The following SEMA6D variants were observed in gnomAD, a reference collection of about 807,000 sequenced individuals.
The protein encoded by SEMA6D is semaphorin-6D.
In SEMA6D, 35 loss-of-function variants were observed where a neutral mutation model predicts 106.6. That is an observed-to-expected ratio of 0.33 (90% CI 0.25 to 0.44). SEMA6D has a LOEUF of 0.44. Among genes scored for constraint, SEMA6D ranks in the 20% least tolerant of loss-of-function variants. The pLI, the probability that SEMA6D is intolerant of heterozygous loss-of-function variation, is 1.00. For missense variants in SEMA6D, 1,185 were observed against 1,345.9 expected (o/e 0.88, Z 1.87); for synonymous variants, 499 against 487.7 (o/e 1.02, Z -0.31).
At chr15:47,624,409 G>C (rs942069213) in intron 4 of SEMA6D, among the ~76,000 whole-genome samples, 2 of 152,274 alleles carry the variant, frequency 1.3e-5, no homozygotes, top group Admixed American at 1.3e-4. Context: ...ACACTTTCTG[G>C]TAGGACTGTG....
intron 1 of SEMA6D, among the ~76,000 whole-genome samples, chr15:47,725,584 A>G (rs1468515492): frequency 6.6e-6 from 1 of 150,864 alleles, no homozygotes; most frequent in Non-Finnish European, 1.5e-5. Context: ...GCCATACTCA[A>G]CCCCCTCACC....
At chr15:47,665,323 C>T (rs922787211) in intron 4 of SEMA6D, among the ~76,000 whole-genome samples, 1 of 152,116 alleles carries the variant, frequency 6.6e-6, no homozygotes, top group African/African-American at 2.4e-5. Context: ...CCTTTTCATT[C>T]TTCTTGCCTT....
At chr15:47,598,797 A>G (rs866367280) in intron 3 of SEMA6D, among the ~76,000 whole-genome samples, 6 of 152,146 alleles carry the variant, frequency 3.9e-5, no homozygotes, top group African/African-American at 1.4e-4. Flanking sequence ...GGCAGATCAG[A>G]TATCTGTGTG....
Position 47,316,349 on chromosome 15 carries a change from C to T in SEMA6D, c.-238-96044C>T, listed in dbSNP as rs185849226. Among the ~76,000 whole-genome samples the T allele has an allele frequency of 9.9e-5, 15 of 152,032 alleles. No homozygotes were observed. In the East Asian group the frequency reaches 2.9e-3, roughly 30 times the overall value. On this transcript the variant is annotated intron_variant, in intron 1 of 19. Coordinates refer to the SEMA6D transcript ENST00000558014. ...TCAGGTGATCCACCTGCCTCGGCCT[C>T]CCAAAGTGCTGGGATTACATGCTTG...
chr15:47,545,775 G>A (rs2045501101), intron 3 of SEMA6D, among the ~76,000 whole-genome samples: 4 of 152,084 alleles, frequency 2.6e-5, no homozygotes, highest in Admixed American at 2.0e-4. Flanking sequence ...AAGAAGCCCT[G>A]GAATGAACAT....
chr15:47,719,236 G>A (rs2079279109), intron 1 of SEMA6D, among the ~76,000 whole-genome samples: 1 of 152,088 alleles, frequency 6.6e-6, no homozygotes. Context: ...CCTGTTCTGG[G>A]GTGACCATTC....
At chr15:47,287,392 T>C (rs1566974508) in intron 1 of SEMA6D, among the ~76,000 whole-genome samples, 1 of 152,184 alleles carries the variant, frequency 6.6e-6, no homozygotes, top group Non-Finnish European at 1.5e-5. Flanking sequence ...AAAAAGCATT[T>C]ATAAAACCAA....
chr15:47,706,725 C>T (rs375918453), intron 4 of SEMA6D, among the ~76,000 whole-genome samples: 8 of 151,396 alleles, frequency 5.3e-5, no homozygotes, highest in Non-Finnish European at 8.8e-5. Context: ...CTCTATTTTT[C>T]TCTCTCTCTC....
At chr15:47,766,994 T>C in intron 16 of SEMA6D, 43 bp from the exon 17 acceptor site, 3 of 1,241,360 alleles carry the variant, frequency 2.4e-6, no homozygotes, top group Non-Finnish European at 2.2e-6. Flanking sequence ...TTGCTTTCTT[T>C]TGGTTACTTT....
chr15:47,600,535 A>G (rs2076628623), intron 3 of SEMA6D, among the ~76,000 whole-genome samples: 1 of 142,770 alleles, frequency 7.0e-6, no homozygotes, highest in African/African-American at 3.1e-5. Context: ...AAGTTTAACA[A>G]CAACAACAAC....
At chr15:47,566,659 A>G (rs2046238452) in intron 3 of SEMA6D, among the ~76,000 whole-genome samples, 1 of 152,216 alleles carries the variant, frequency 6.6e-6, no homozygotes, top group Admixed American at 6.5e-5. Context: ...GGACTGTACC[A>G]CTTACAGATT....
rs1022736629 is a variant in SEMA6D, at chr15:47,350,207, T to G, written c.-238-62186T>G. Among the ~76,000 whole-genome samples, 8 of 81,006 alleles carry G rather than the reference T, an allele frequency of 9.9e-5. No homozygotes were observed. In the East Asian group the frequency reaches 2.8e-3, roughly 28 times the overall value. The allele number at this position is 81,006 out of a possible 152,430, so 53.1% of individuals were successfully genotyped here. A position where few individuals can be genotyped will look rare whatever the true frequency, so the allele number is the denominator to read the frequency against. ...CTCTTAGATTAGTACACTATCAAAA[T>G]AGTCCTTTATTGTTGTCAAACCTGC... On this transcript the variant is annotated intron_variant, in intron 1 of 19. Transcript: ENST00000558014.
intron 4 of SEMA6D, among the ~76,000 whole-genome samples, chr15:47,687,170 GATAAA>G (rs1219325522): frequency 6.6e-6 from 1 of 151,932 alleles, no homozygotes; most frequent in African/African-American, 2.4e-5. Flanking sequence ...GTTTTGTAGA[GATAAA>G]ATGAAAGCTC....
rs1041719623 is a variant in SEMA6D, at chr15:47,773,499, C to T, written c.*1714C>T. On this transcript the variant is annotated 3_prime_UTR_variant, in exon 19 of 19. Transcript: ENST00000536845. ...GAACCAAATCTAGAAAGTACCAAGG[C>T]AGAGGTATGCTCCTGCTGTAATCAG... 3.3e-5 allele frequency: 5 copies of T among 152,432 alleles called. No individual in the cohort carries two copies. Among genetic ancestry groups the T allele is most frequent in the Non-Finnish European group, 4.4e-5 (3 of 68,034 alleles). The allele number at this position is 152,432 out of a possible 1,614,324, so 9.4% of individuals were successfully genotyped here.
chr15:47,425,672 C>CTTTTTTTTTTTTTTTTTTTT (rs750135945), intron 2 of SEMA6D, among the ~76,000 whole-genome samples: 1 of 136,632 alleles, frequency 7.3e-6, no homozygotes, highest in Non-Finnish European at 1.6e-5. Flanking sequence ...AAGATACTTT[C>CTTTTTTTTTTTTTTTTTTTT]TTTTTTTTTT....
chr15:47,745,218 T>G (rs2147157022), intron 1 of SEMA6D, among the ~76,000 whole-genome samples: 1 of 152,352 alleles, frequency 6.6e-6, no homozygotes. Flanking sequence ...GGTACTCACC[T>G]GGTCTAATAG....
At chr15:47,449,664 C>A (rs1005013586) in intron 2 of SEMA6D, among the ~76,000 whole-genome samples, 1 of 152,058 alleles carries the variant, frequency 6.6e-6, no homozygotes, top group Non-Finnish European at 1.5e-5. Context: ...GGCTTCACAT[C>A]GTACATGGAA....
intron 3 of SEMA6D, among the ~76,000 whole-genome samples, chr15:47,577,329 C>T (rs1046951111): frequency 3.3e-5 from 5 of 152,202 alleles, no homozygotes; most frequent in Non-Finnish European, 7.3e-5. Flanking sequence ...ACTAGAAGAC[C>T]AAGCTAAATT....
chr15:47,616,752 G>A (rs1167394503), intron 4 of SEMA6D, among the ~76,000 whole-genome samples: 4 of 152,024 alleles, frequency 2.6e-5, no homozygotes, highest in African/African-American at 9.7e-5. Context: ...GGAAATAAAA[G>A]ACTGTACACC....
Sources: gnomAD v4.1 joint callset for allele counts (sites outside exome capture counted in the v4.1 genomes callset) on GRCh38, gnomAD v4.1.1 for gene constraint, MANE v1.5 for transcripts, NCBI Gene and HGNC (gene_info 2026-07-23, HGNC 2026-07-21) for gene names.